The following LRBA variants were observed in gnomAD, a reference collection of about 807,000 sequenced individuals.
LRBA encodes the protein lipopolysaccharide-responsive and beige-like anchor protein.
A neutral mutation model predicts 330.0 loss-of-function variants in LRBA; 176 were observed. The observed-to-expected ratio is 0.53, with a 90% CI of 0.47 to 0.60. The LOEUF is 0.60. Ranked by LOEUF, LRBA falls within the 20% of genes least tolerant of loss-of-function variation. The pLI, the probability that LRBA is intolerant of heterozygous loss-of-function variation, is 0.00. For synonymous variants in LRBA, 1,230 were observed against 1,193.0 expected (o/e 1.03, Z -0.64); for missense variants, 3,259 against 3,444.8 (o/e 0.95, Z 1.35).
At chr4:150,590,426 T>A (rs1772671927) in intron 39 of LRBA, among the ~76,000 whole-genome samples, 1 of 151,618 alleles carries the variant, frequency 6.6e-6, no homozygotes, top group South Asian at 2.1e-4. Flanking sequence ...ATTTGGTAAC[T>A]CCTATGGGAT....
At chr4:150,304,134 A>G (rs1287016874) in intron 52 of LRBA, among the ~76,000 whole-genome samples, 4 of 152,172 alleles carry the variant, frequency 2.6e-5, no homozygotes, top group Non-Finnish European at 5.9e-5. Flanking sequence ...TCAAGAAAAA[A>G]AGGCTACTAA....
intron 31 of LRBA, among the ~76,000 whole-genome samples, chr4:150,809,890 G>GATACA (rs1484095458): frequency 6.7e-6 from 1 of 148,998 alleles, no homozygotes; most frequent in East Asian, 2.0e-4. Flanking sequence ...GATACGATAC[G>GATACA]ATACGATACG....
chr4:150,502,143 G>GT (rs1436428337), intron 40 of LRBA, among the ~76,000 whole-genome samples: 3 of 152,196 alleles, frequency 2.0e-5, no homozygotes, highest in African/African-American at 7.2e-5. Flanking sequence ...AGAAAACAAT[G>GT]TGAGACCAGT....
intron 47 of LRBA, among the ~76,000 whole-genome samples, chr4:150,401,077 G>A (rs1745393679): frequency 6.6e-6 from 1 of 152,192 alleles, no homozygotes; most frequent in African/African-American, 2.4e-5. Context: ...AGGGGAAAAT[G>A]TGGACACAGA....
At chr4:150,576,402 A>G in intron 40 of LRBA, among the ~76,000 whole-genome samples, 1 of 151,962 alleles carries the variant, frequency 6.6e-6, no homozygotes, top group South Asian at 2.1e-4. Context: ...GCAAGTTCAA[A>G]GAAACTTTCT....
intron 34 of LRBA, among the ~76,000 whole-genome samples, chr4:150,783,401 T>C (rs1738556852): frequency 6.6e-6 from 1 of 152,004 alleles, no homozygotes; most frequent in South Asian, 2.1e-4. Context: ...TGCTCTCAAG[T>C]AAAGAAATAG....
At chr4:150,783,975 G>A (rs1306307051) in intron 34 of LRBA, among the ~76,000 whole-genome samples, 7 of 152,176 alleles carry the variant, frequency 4.6e-5, no homozygotes, top group Admixed American at 4.6e-4. Flanking sequence ...AAATTTGTTA[G>A]TATGTACTCA....
chr4:150,848,999 C>T lies in LRBA; in HGVS notation c.4159-1G>A. 6.4e-7 allele frequency: 1 copy of T among 1,574,286 alleles called. No individual in the cohort carries two copies. Among genetic ancestry groups the T allele is most frequent in the Non-Finnish European group, 8.6e-7 (1 of 1,164,544 alleles). On this transcript the variant is annotated splice_acceptor_variant, in intron 25 of 56. Coordinates refer to ENST00000651943, the MANE Select transcript of LRBA (RefSeq NM_001364905.1). LOFTEE classifies it high-confidence loss of function. Reference sequence around the variant, plus strand: ...TAGGTTCAATATTTTCCAGTTCATGCTGTAAAGAATAAAGTTTGACATTTA... The same window carrying T: ...TAGGTTCAATATTTTCCAGTTCATGTTGTAAAGAATAAAGTTTGACATTTA...
chr4:150,988,025 T>A (rs1289366114), intron 2 of LRBA, among the ~76,000 whole-genome samples: 1 of 148,336 alleles, frequency 6.7e-6, no homozygotes, highest in African/African-American at 2.5e-5. Flanking sequence ...AAAAAGTGCA[T>A]TCGCCTTATT....
intron 37 of LRBA, among the ~76,000 whole-genome samples, chr4:150,645,757 T>C (rs959365685): frequency 1.3e-5 from 2 of 151,940 alleles, no homozygotes; most frequent in South Asian, 2.1e-4. Context: ...ACAATATTTA[T>C]CTGTGTGAAA....
At chr4:150,920,377 C>T (rs1733114584) in intron 5 of LRBA, among the ~76,000 whole-genome samples, 2 of 152,138 alleles carry the variant, frequency 1.3e-5, no homozygotes, top group East Asian at 1.9e-4. Flanking sequence ...GGCAAAACCC[C>T]GTCTCTACTA....
At chr4:150,487,896 C>A (rs1758080155) in intron 41 of LRBA, 62 bp from the exon 42 acceptor site, 5 of 789,586 alleles carry the variant, frequency 6.3e-6, no homozygotes, top group Non-Finnish European at 1.0e-5. Flanking sequence ...AAAACTGACT[C>A]CTTGGTCCAA....
chr4:150,696,435 T>C (rs1784622794), intron 36 of LRBA, among the ~76,000 whole-genome samples: 1 of 152,126 alleles, frequency 6.6e-6, no homozygotes, highest in South Asian at 2.1e-4. Flanking sequence ...GGTTTCCTCA[T>C]ATAAAAGAGG....
intron 48 of LRBA, among the ~76,000 whole-genome samples, chr4:150,346,787 A>C (rs1249543659): frequency 3.1e-5 from 4 of 128,234 alleles, no homozygotes; most frequent in African/African-American, 8.4e-5. Context: ...AAAAAAAAAA[A>C]CACTTATTTG....
At chr4:150,676,293 T>C (rs1782552482) in intron 37 of LRBA, among the ~76,000 whole-genome samples, 1 of 152,194 alleles carries the variant, frequency 6.6e-6, no homozygotes, top group Admixed American at 6.5e-5. Context: ...TTTATGACCA[T>C]TTACAGTGAA....
chr4:150,273,254 C>T (rs1053065464), intron 56 of LRBA, among the ~76,000 whole-genome samples: 1 of 152,150 alleles, frequency 6.6e-6, no homozygotes, highest in African/African-American at 2.4e-5. Flanking sequence ...TACAGACAAG[C>T]AAGTGTTGAG....
At chr4:150,568,192 T>A (rs1462557361) in intron 40 of LRBA, among the ~76,000 whole-genome samples, 1 of 151,702 alleles carries the variant, frequency 6.6e-6, no homozygotes, top group Admixed American at 6.6e-5. Flanking sequence ...ACAAAAAAAA[T>A]AAATCAGAGA....
At chr4:150,339,384 C>T (rs920868399) in intron 48 of LRBA, among the ~76,000 whole-genome samples, 2 of 152,112 alleles carry the variant, frequency 1.3e-5, no homozygotes, top group Non-Finnish European at 2.9e-5. Flanking sequence ...AAACCCAGAA[C>T]GCAATTACAA....
At chr4:150,486,819 AACC>A (rs1757932847) in intron 42 of LRBA, among the ~76,000 whole-genome samples, 2 of 151,776 alleles carry the variant, frequency 1.3e-5, no homozygotes, top group Admixed American at 1.3e-4. Flanking sequence ...TACCCTTGGT[AACC>A]ACGATTCTAC....
Sources: gnomAD v4.1 joint callset for allele counts (sites outside exome capture counted in the v4.1 genomes callset) on GRCh38, gnomAD v4.1.1 for gene constraint, MANE v1.5 for transcripts, NCBI Gene and HGNC (gene_info 2026-07-23, HGNC 2026-07-21) for gene names.